The following NRG2 variants were observed in gnomAD, a reference collection of about 807,000 sequenced individuals.
The protein encoded by NRG2 is neuregulin 2.
NRG2 carries 27 observed loss-of-function variants against 73.9 expected under a neutral mutation model. The ratio of observed to expected loss-of-function variants is 0.37; its 90% CI spans 0.27 to 0.50. The LOEUF (loss-of-function observed/expected upper bound fraction) is 0.50. NRG2 is among the 20% of genes least tolerant of loss of function. NRG2 has a pLI of 0.96. For synonymous variants in NRG2, 532 were observed against 541.0 expected, an observed-to-expected ratio of 0.98 and a Z score of 0.23; for missense variants, 1,126 against 1,210.1, an observed-to-expected ratio of 0.93 and a Z score of 1.03.
chr5:139,951,143 C>A (rs946597081), intron 1 of NRG2, among the ~76,000 whole-genome samples: 14 of 152,328 alleles, frequency 9.2e-5, no homozygotes, highest in African/African-American at 3.4e-4. Context: ...CTAATGTGGG[C>A]CAAGCCCTGG....
In NRG2 at chr5:139,865,490, G is replaced by C. The variant is rs1325321553; in HGVS notation, c.1189+59C>G. ...CCTGGCCCTATGCCCTACATTGGGG[G>C]GACTGCACCCAGAAGCTTTCTAAGG... On this transcript the variant is annotated intron_variant, in intron 5 of 9. Transcript: ENST00000361474. This position sits in a 1 kb window ranked among gnomAD's most constrained non-coding sequence, Gnocchi z 5.2. The C allele has an allele frequency of 7.5e-7, 1 of 1,326,088 alleles. No homozygotes were observed. Among genetic ancestry groups the C allele is most frequent in the East Asian group, 2.3e-5 (1 of 43,544 alleles). 82.1% of individuals were successfully genotyped at this position (1,326,088 alleles called of 1,614,324 possible). A position where few individuals can be genotyped will look rare whatever the true frequency, so the allele number is the denominator to read the frequency against.
chr5:139,951,581 T>TCCTTTTTC (rs3056593), intron 1 of NRG2, among the ~76,000 whole-genome samples: 33,472 of 151,870 alleles, frequency 0.22, 4,796 homozygotes, highest in African/African-American at 0.41. Context: ...GCTCCGTGGC[T>TCCTTTTTC]CCTCTAATGA....
At chr5:140,017,130 T>A (rs1759849375) in intron 1 of NRG2, among the ~76,000 whole-genome samples, 1 of 152,092 alleles carries the variant, frequency 6.6e-6, no homozygotes, top group Non-Finnish European at 1.5e-5. Flanking sequence ...AGTATTGACA[T>A]GGGTGATGTT....
intron 1 of NRG2, among the ~76,000 whole-genome samples, chr5:139,927,529 T>A (rs1054903195): frequency 2.6e-5 from 4 of 152,034 alleles, no homozygotes; most frequent in African/African-American, 9.7e-5. Flanking sequence ...AGTAATCTGC[T>A]GAGGTGGGCG....
intron 3 of NRG2, among the ~76,000 whole-genome samples, chr5:139,875,739 C>A (rs938273936): frequency 4.6e-5 from 7 of 152,136 alleles, no homozygotes; most frequent in Admixed American, 1.3e-4. Context: ...CCAGCCTGGG[C>A]AATGTAGCAA....
Position 139,904,404 on chromosome 5 carries a change from C to T in NRG2, c.701-16893G>A, listed in dbSNP as rs778867515. The T allele has an allele frequency of 7.9e-6, 12 of 1,525,916 alleles. No homozygotes were observed. Among genetic ancestry groups the T allele is most frequent in the African/African-American group, 5.6e-5 (4 of 72,036 alleles). 94.5% of individuals were successfully genotyped at this position (1,525,916 alleles called of 1,614,324 possible). On this transcript the variant is annotated intron_variant, in intron 1 of 9. Coordinates refer to ENST00000361474, the MANE Select transcript of NRG2 (RefSeq NM_004883.3). This position sits in a 1 kb window ranked among gnomAD's most constrained non-coding sequence, Gnocchi z 6.0. ...TCCTCCTGGACTCCGACATTCTGCACGGGGTCCCAGGCGGTGGGACGGCCT... is the reference window on the plus strand; with the variant it reads ...TCCTCCTGGACTCCGACATTCTGCATGGGGTCCCAGGCGGTGGGACGGCCT...
chr5:139,975,526 G>T (rs2126544254), intron 1 of NRG2, among the ~76,000 whole-genome samples: 1 of 152,340 alleles, frequency 6.6e-6, no homozygotes, highest in South Asian at 2.1e-4. Context: ...ACAAAGCCAG[G>T]TGCCAGGTCT....
Position 139,848,286 on chromosome 5 carries a change from G to GCGGC in NRG2, c.2183_2184insGCCG (p.Ala729ProfsTer168). 1 of 1,124,290 alleles carries GCGGC rather than the reference G, an allele frequency of 8.9e-7. No individual in the cohort carries two copies. The highest frequency in any genetic ancestry group is 1.1e-6 in the Non-Finnish European group (1 of 920,444). 69.6% of individuals were successfully genotyped at this position (1,124,290 alleles called of 1,614,324 possible). A position where few individuals can be genotyped will look rare whatever the true frequency, so the allele number is the denominator to read the frequency against. ...ACGTCCTGCGGGACGCACCGCGCGCGCGCGGCCGCGGCGGCGGCGGGGGCG... is the reference window on the plus strand; with the variant it reads ...ACGTCCTGCGGGACGCACCGCGCGCGCGGCCGCGGCCGCGGCGGCGGCGGGGGCG... On this transcript the variant is annotated frameshift_variant, in exon 10 of 10. Coordinates refer to ENST00000361474, the MANE Select transcript of NRG2 (RefSeq NM_004883.3). LOFTEE classifies it high-confidence loss of function.
chr5:140,004,763 G>A (rs1398867871), intron 1 of NRG2, among the ~76,000 whole-genome samples: 1 of 152,176 alleles, frequency 6.6e-6, no homozygotes, highest in Non-Finnish European at 1.5e-5. Context: ...TCATGGAACA[G>A]AAAGGACACA....
At position 139,990,030 on chromosome 5, in the gene NRG2, C is replaced by T. The variant is rs779990032; in HGVS notation, c.700+52340G>A. On this transcript the variant is annotated intron_variant, in intron 1 of 9. Transcript: ENST00000361474. The stretch of plus-strand genomic sequence containing the variant: ...GTCTTGATCTCCTGACCTTGTGATC[C>T]GCCCACCTCGGCCTCCCAAAGTGCT... Among the ~76,000 whole-genome samples the T allele has an allele frequency of 5.7e-4, 87 of 151,408 alleles. 1 individual carries two copies. Among genetic ancestry groups the T allele is most frequent in the Non-Finnish European group, 9.0e-4 (61 of 67,818 alleles).
intron 5 of NRG2, among the ~76,000 whole-genome samples, chr5:139,864,508 A>G (rs1411898610): frequency 4.0e-5 from 6 of 151,422 alleles, no homozygotes; most frequent in Admixed American, 4.0e-4. Flanking sequence ...GAGAGTCACC[A>G]GTTACCCCTC....
chr5:140,008,531 A>G lies in NRG2; in HGVS notation c.700+33839T>C, dbSNP rs975424963. 6.6e-6 allele frequency among the ~76,000 whole-genome samples: 1 copy of G among 152,222 alleles called. No individual in the cohort carries two copies. Among genetic ancestry groups the G allele is most frequent in the African/African-American group, 2.4e-5 (1 of 41,444 alleles). ...TCCTTACTAAACCAAGTTTCCCTAC[A>G]GTGAGCTCATCTTTACCTGAGCTAG... On this transcript the variant is annotated intron_variant, in intron 1 of 9. Coordinates refer to ENST00000361474, the MANE Select transcript of NRG2 (RefSeq NM_004883.3). This position sits in a 1 kb window ranked among gnomAD's most constrained non-coding sequence, Gnocchi z 4.2.
chr5:140,032,477 C>T (rs1185732998), intron 1 of NRG2, among the ~76,000 whole-genome samples: 3 of 151,994 alleles, frequency 2.0e-5, no homozygotes, highest in Admixed American at 6.6e-5. Flanking sequence ...TCAAAATGTC[C>T]AAAGGTACTT....
At chr5:139,859,811 C>T in intron 5 of NRG2, 1 of 1,473,308 alleles carries the variant, frequency 6.8e-7, no homozygotes, top group Non-Finnish European at 9.4e-7. Context: ...GGAAACCAAA[C>T]ATTCAGCACA....
intron 1 of NRG2, among the ~76,000 whole-genome samples, chr5:139,959,182 TTTTG>T (rs71574472): frequency 0.14 from 21,231 of 151,840 alleles, 1,578 homozygotes; most frequent in South Asian, 0.25. Context: ...CTTCCTTGTG[TTTTG>T]TTTGTTTGTT....
At chr5:140,030,608 A>G (rs1230889731) in intron 1 of NRG2, among the ~76,000 whole-genome samples, 1 of 152,194 alleles carries the variant, frequency 6.6e-6, no homozygotes, top group Non-Finnish European at 1.5e-5. Flanking sequence ...GTGGAAACCT[A>G]CTCAGATAAT....
intron 1 of NRG2, among the ~76,000 whole-genome samples, chr5:140,027,091 C>A (rs1002114024): frequency 4.6e-5 from 7 of 152,104 alleles, no homozygotes; most frequent in African/African-American, 7.2e-5. Flanking sequence ...AGTGAGCCTC[C>A]TGCCTCAGCC....
chr5:139,961,718 G>A (rs1485996869), intron 1 of NRG2, among the ~76,000 whole-genome samples: 3 of 152,190 alleles, frequency 2.0e-5, no homozygotes, highest in Admixed American at 1.3e-4. Flanking sequence ...TTGGCCCCCT[G>A]CTCCCTGCTG....
At chr5:139,944,299 ATATTAT>A (rs1169534768) in intron 1 of NRG2, among the ~76,000 whole-genome samples, 4 of 152,132 alleles carry the variant, frequency 2.6e-5, no homozygotes, top group African/African-American at 4.8e-5. Flanking sequence ...TTGAAACTAT[ATATTAT>A]TATTAACTAT....
Sources: gnomAD v4.1 joint callset for allele counts (sites outside exome capture counted in the v4.1 genomes callset) on GRCh38, gnomAD v4.1.1 for gene constraint, Gnocchi (gnomAD v3.1) non-coding constraint, MANE v1.5 for transcripts, NCBI Gene and HGNC (gene_info 2026-07-23, HGNC 2026-07-21) for gene names.